The following GPM6A variants were observed in gnomAD, a reference collection of about 807,000 sequenced individuals.
GPM6A encodes neuronal membrane glycoprotein M6-a.
A neutral mutation model predicts 32.1 loss-of-function variants in GPM6A; 7 were observed. The observed-to-expected ratio is 0.22, with a 90% CI of 0.12 to 0.41. GPM6A has a LOEUF of 0.41. GPM6A is among the 10% of genes least tolerant of loss of function. The pLI, the probability that GPM6A is intolerant of heterozygous loss-of-function variation, is 1.00. For missense variants in GPM6A, 235 were observed against 347.2 expected (o/e 0.68, Z 2.57); for synonymous variants, 130 against 123.4 (o/e 1.05, Z -0.35).
chr4:175,661,228 C>T (rs1742390768), intron 3 of GPM6A, among the ~76,000 whole-genome samples: 1 of 151,846 alleles, frequency 6.6e-6, no homozygotes, highest in African/African-American at 2.4e-5. Flanking sequence ...CATTCCTTGA[C>T]GGGCATTTAA....
intron 1 of GPM6A, among the ~76,000 whole-genome samples, chr4:175,889,111 A>T (rs992636141): frequency 6.6e-6 from 1 of 152,214 alleles, no homozygotes; most frequent in Admixed American, 6.5e-5. Context: ...TATTCAAATT[A>T]TGCACACATA....
At chr4:175,728,372 T>G (rs1731273711) in intron 1 of GPM6A, among the ~76,000 whole-genome samples, 1 of 152,186 alleles carries the variant, frequency 6.6e-6, no homozygotes, top group Non-Finnish European at 1.5e-5. Flanking sequence ...GAACATATCT[T>G]TGTCAGATGT....
At chr4:175,636,602 T>A (rs1305757253) in intron 6 of GPM6A, among the ~76,000 whole-genome samples, 1 of 150,038 alleles carries the variant, frequency 6.7e-6, no homozygotes, top group African/African-American at 2.4e-5. Context: ...CCAAGACCAG[T>A]CTGGCCAACA....
chr4:175,757,060 C>T (rs1367328435), intron 1 of GPM6A, among the ~76,000 whole-genome samples: 1 of 152,026 alleles, frequency 6.6e-6, no homozygotes, highest in African/African-American at 2.4e-5. Context: ...TATTCATGCC[C>T]TTAGATAGTC....
chr4:175,812,107 T>C, intron 1 of GPM6A, 84 bp downstream of exon 1: 1 of 1,006,146 alleles, frequency 9.9e-7, no homozygotes, highest in African/African-American at 1.6e-5. Context: ...AAACATTCAT[T>C]AGCCTTACTG....
chr4:175,701,818 A>AT (rs200605053), intron 1 of GPM6A, 51 bp from the exon 2 acceptor site: 5,760 of 1,302,348 alleles, frequency 4.4e-3, no homozygotes, highest in Middle Eastern at 5.8e-3. Flanking sequence ...ACCTAATTTA[A>AT]TTTTTTTTTT....
At chr4:175,881,828 C>A (rs1487916175) in intron 1 of GPM6A, among the ~76,000 whole-genome samples, 1 of 151,484 alleles carries the variant, frequency 6.6e-6, no homozygotes, top group African/African-American at 2.4e-5. Flanking sequence ...ACATCACACA[C>A]TGGGGCCTGT....
At chr4:175,730,497 G>A (rs1227448421) in intron 1 of GPM6A, among the ~76,000 whole-genome samples, 1 of 148,518 alleles carries the variant, frequency 6.7e-6, no homozygotes, top group Non-Finnish European at 1.5e-5. Flanking sequence ...TTGAGAGGGA[G>A]TCTCGCTCTG....
intron 1 of GPM6A, among the ~76,000 whole-genome samples, chr4:175,794,849 G>C (rs1453645196): frequency 1.3e-5 from 2 of 152,106 alleles, no homozygotes; most frequent in Non-Finnish European, 2.9e-5. Flanking sequence ...ATATTATAAG[G>C]GCTTGATATG....
At chr4:175,673,629 T>G (rs1466774840) in intron 3 of GPM6A, 51 bp downstream of exon 3, 14 of 1,327,364 alleles carry the variant, frequency 1.1e-5, no homozygotes, top group Non-Finnish European at 1.3e-5. Context: ...AACACCTGTG[T>G]GCTATTGAAA....
chr4:175,752,584 A>T (rs536090194), intron 1 of GPM6A, among the ~76,000 whole-genome samples: 1 of 152,318 alleles, frequency 6.6e-6, no homozygotes, highest in African/African-American at 2.4e-5. Flanking sequence ...GCCTACAAGA[A>T]GACATATTTC....
chr4:175,696,377 C>T (rs1420428120), intron 2 of GPM6A, among the ~76,000 whole-genome samples: 8 of 152,160 alleles, frequency 5.3e-5, no homozygotes, highest in Admixed American at 3.9e-4. Context: ...ATTCACCACA[C>T]TATCTTGTCT....
In GPM6A at chr4:176,002,240, T is replaced by C. The variant is rs150937320; in HGVS notation, c.-23+69A>G. Reference sequence around the variant, plus strand: ...GTCTGAGGCCGAGGAACATTCATTTTCTTTCTATAATGCCCATTCCCGAGG... The same window carrying C: ...GTCTGAGGCCGAGGAACATTCATTTCCTTTCTATAATGCCCATTCCCGAGG... On this transcript the variant is annotated intron_variant, in intron 1 of 7. Transcript: ENST00000280187. 2,274 of 1,508,790 alleles carry C rather than the reference T, an allele frequency of 1.5e-3. 38 individuals carry two copies. In the African/African-American group the frequency reaches 0.028, roughly 19 times the overall value. The allele number at this position is 1,508,790 out of a possible 1,614,324, so 93.5% of individuals were successfully genotyped here.
At chr4:175,974,521 C>G (rs1740603477) in intron 1 of GPM6A, among the ~76,000 whole-genome samples, 1 of 147,478 alleles carries the variant, frequency 6.8e-6, no homozygotes, top group Non-Finnish European at 1.5e-5. Context: ...ATGCCCAGCC[C>G]TAAATGACAC....
At chr4:175,745,177 T>G (rs1345636083) in intron 1 of GPM6A, among the ~76,000 whole-genome samples, 31 of 152,112 alleles carry the variant, frequency 2.0e-4, no homozygotes, top group Admixed American at 2.0e-3. Flanking sequence ...CACAAAATAT[T>G]CATGCGCTAA....
chr4:175,669,502 G>T (rs1371675170), intron 3 of GPM6A, among the ~76,000 whole-genome samples: 1 of 152,098 alleles, frequency 6.6e-6, no homozygotes, highest in African/African-American at 2.4e-5. Flanking sequence ...CATTTCCTTT[G>T]AGCATCACGT....
chr4:175,675,665 T>A (rs574381494), intron 2 of GPM6A, among the ~76,000 whole-genome samples: 40 of 152,232 alleles, frequency 2.6e-4, no homozygotes, highest in South Asian at 1.9e-3. Flanking sequence ...TTATTTATTT[T>A]TCAAGACATG....
chr4:175,823,526 G>A (rs1436055774), intron 1 of GPM6A, among the ~76,000 whole-genome samples: 1 of 152,170 alleles, frequency 6.6e-6, no homozygotes, highest in Admixed American at 6.5e-5. Flanking sequence ...CTAGTGGCTT[G>A]CCATAAGTCC....
intron 1 of GPM6A, among the ~76,000 whole-genome samples, chr4:175,795,512 G>C (rs1031213875): frequency 2.6e-5 from 4 of 152,092 alleles, no homozygotes; most frequent in Non-Finnish European, 5.9e-5. Flanking sequence ...CATTTTCGGT[G>C]GCCAAGGAGG....
Sources: allele counts gnomAD v4.1 joint callset (sites outside exome capture counted in the v4.1 genomes callset), GRCh38; gene constraint gnomAD v4.1.1; transcripts MANE v1.5; gene names NCBI Gene and HGNC (gene_info 2026-07-23, HGNC 2026-07-21).